Variants in ABTB3 observed in about 807,000 individuals in gnomAD.
The protein encoded by ABTB3 is ankyrin repeat- and BTB/POZ domain-containing protein 3.
At chr12:107,414,594 G>A in the ABTB3 span, among the ~76,000 whole-genome samples, 1 of 152,112 alleles carries the variant, frequency 6.6e-6, no homozygotes, top group South Asian at 2.1e-4. Context: ...CGAGACATTC[G>A]GCTATTTTTT....
the ABTB3 span, among the ~76,000 whole-genome samples, chr12:107,420,391 C>T: frequency 5.3e-5 from 8 of 152,110 alleles, no homozygotes; most frequent in Non-Finnish European, 8.8e-5. Flanking sequence ...ACAATCATGG[C>T]GTAAGGCAAA....
At chr12:107,444,110 C>G in the ABTB3 span, among the ~76,000 whole-genome samples, 1 of 152,182 alleles carries the variant, frequency 6.6e-6, no homozygotes, top group East Asian at 1.9e-4. Flanking sequence ...CTGATTGGCT[C>G]AGGAACCCTG....
the ABTB3 span, chr12:107,618,482 G>A: frequency 4.2e-6 from 4 of 962,750 alleles, no homozygotes; most frequent in Admixed American, 4.9e-5. Flanking sequence ...TGCAAAACAC[G>A]CACATGCACA....
At chr12:107,469,942 CTCTTTCTTTCTTTCTTTCTTTCTTTCTT>C in the ABTB3 span, among the ~76,000 whole-genome samples, 2 of 59,298 alleles carry the variant, frequency 3.4e-5, no homozygotes, top group African/African-American at 1.4e-4. Flanking sequence ...CTCTTTCTTT[CTCTTTCTTTCTTTCTTTCTTTCTTTCTT>C]TCTTTCTTTC....
the ABTB3 span, among the ~76,000 whole-genome samples, chr12:107,378,405 T>C: frequency 6.6e-6 from 1 of 152,198 alleles, no homozygotes; most frequent in Non-Finnish European, 1.5e-5. Flanking sequence ...CTTAAAGCAA[T>C]TTATGTACAC....
At chr12:107,528,102 G>T in the ABTB3 span, among the ~76,000 whole-genome samples, 3 of 152,156 alleles carry the variant, frequency 2.0e-5, no homozygotes, top group Non-Finnish European at 4.4e-5. Context: ...ATGGGTTTGG[G>T]CAGAAGGAGC....
the ABTB3 span, among the ~76,000 whole-genome samples, chr12:107,362,551 G>A: frequency 6.6e-6 from 1 of 152,204 alleles, no homozygotes; most frequent in East Asian, 1.9e-4. Flanking sequence ...CCAGCACTTT[G>A]GGAGGCCAAG....
At chr12:107,483,544 C>G in the ABTB3 span, among the ~76,000 whole-genome samples, 2 of 152,174 alleles carry the variant, frequency 1.3e-5, no homozygotes, top group Non-Finnish European at 2.9e-5. Context: ...CAGTCCCCTC[C>G]CCTTCCCCAC....
the ABTB3 span, among the ~76,000 whole-genome samples, chr12:107,624,996 T>G: frequency 1.3e-5 from 2 of 152,346 alleles, no homozygotes; most frequent in Middle Eastern, 6.8e-3. Flanking sequence ...CTGTTTGGTG[T>G]TGTCACTATT....
At chr12:107,619,944 C>T in the ABTB3 span, 5 of 1,530,750 alleles carry the variant, frequency 3.3e-6, no homozygotes, top group African/African-American at 1.4e-5. Flanking sequence ...CCTCTCTCTC[C>T]CCCTCCCCTG....
the ABTB3 span, among the ~76,000 whole-genome samples, chr12:107,621,886 A>G: frequency 6.6e-6 from 1 of 152,232 alleles, no homozygotes. Flanking sequence ...GCTGAAGCAT[A>G]CAAAATACCC....
chr12:107,424,873 C>CAGATTTG, the ABTB3 span, among the ~76,000 whole-genome samples: 1 of 152,154 alleles, frequency 6.6e-6, no homozygotes, highest in Admixed American at 6.5e-5. Context: ...GGTGAATGGG[C>CAGATTTG]CACGCCTGTT....
At chr12:107,440,676 C>G in the ABTB3 span, among the ~76,000 whole-genome samples, 1 of 152,080 alleles carries the variant, frequency 6.6e-6, no homozygotes, top group Admixed American at 6.5e-5. Flanking sequence ...CCTAATACAG[C>G]ACCAGGAACC....
chr12:107,354,972 T>C, the ABTB3 span, among the ~76,000 whole-genome samples: 2 of 152,208 alleles, frequency 1.3e-5, no homozygotes, highest in Non-Finnish European at 2.9e-5. Flanking sequence ...GTACTTGAGA[T>C]TCATCCATAT....
the ABTB3 span, among the ~76,000 whole-genome samples, chr12:107,483,397 G>A: frequency 6.6e-6 from 1 of 152,078 alleles, no homozygotes; most frequent in East Asian, 1.9e-4. Context: ...TGGGGGAGTG[G>A]GTCCCACCAG....
the ABTB3 span, among the ~76,000 whole-genome samples, chr12:107,325,621 G>A: frequency 4.6e-5 from 7 of 152,122 alleles, no homozygotes; most frequent in Non-Finnish European, 7.4e-5. Flanking sequence ...TAGGGTCAAG[G>A]GTGGAGTTGA....
the ABTB3 span, among the ~76,000 whole-genome samples, chr12:107,345,428 T>C: frequency 1.3e-5 from 2 of 151,964 alleles, no homozygotes; most frequent in East Asian, 3.9e-4. Context: ...TTGGATAAAA[T>C]GGGTGTGGTA....
At chr12:107,646,798 C>T in the ABTB3 span, among the ~76,000 whole-genome samples, 1 of 152,176 alleles carries the variant, frequency 6.6e-6, no homozygotes, top group African/African-American at 2.4e-5. Context: ...TGAGAAACAA[C>T]ACTGCAGTGG....
chr12:107,441,024 C>G, the ABTB3 span, among the ~76,000 whole-genome samples: 22 of 152,230 alleles, frequency 1.4e-4, no homozygotes, highest in African/African-American at 5.3e-4. Flanking sequence ...CAACGTCAGC[C>G]GACTAGTTGA....
Sources: allele counts gnomAD v4.1 joint callset (sites outside exome capture counted in the v4.1 genomes callset), GRCh38; gene constraint gnomAD v4.1.1; transcripts MANE v1.5; gene names NCBI Gene and HGNC (gene_info 2026-07-23, HGNC 2026-07-21).